Variants in TOMM20 observed in about 807,000 individuals in gnomAD.
TOMM20 encodes the protein translocase of outer mitochondrial membrane 20, also known as mitochondrial import receptor subunit TOM20 homolog.
In TOMM20, 10 loss-of-function variants were observed where a neutral mutation model predicts 22.1. The observed-to-expected ratio is 0.45, with a 90% CI of 0.28 to 0.77. The LOEUF (loss-of-function observed/expected upper bound fraction) is 0.77. TOMM20 is among the 30% of genes least tolerant of loss of function. TOMM20 has a pLI of 0.13. For synonymous variants in TOMM20, 55 were observed against 61.4 expected, an observed-to-expected ratio of 0.90 and a Z score of 0.49; for missense variants, 121 against 172.2, an observed-to-expected ratio of 0.70 and a Z score of 1.66.
rs905566483 is a variant in TOMM20, at chr1:235,128,810, G to A, written c.-95C>T. ...AGAGCGGTCGGCGCAGCTCACACCC[G>A]ACGGCCGCGGGCCAGGAACACAGAA... is the stretch of plus-strand genomic sequence containing the variant. On this transcript the variant is annotated 5_prime_UTR_variant, in exon 1 of 5. Coordinates refer to ENST00000366607, the MANE Select transcript of TOMM20 (RefSeq NM_014765.3). The A allele has an allele frequency of 4.5e-6, 7 of 1,562,844 alleles. No individual in the cohort carries two copies. In the African/African-American group the frequency reaches 5.5e-5, roughly 12 times the overall value.
intron 1 of TOMM20, among the ~76,000 whole-genome samples, chr1:235,124,720 T>A (rs1244785833): frequency 6.6e-6 from 1 of 152,202 alleles, no homozygotes; most frequent in Non-Finnish European, 1.5e-5. Flanking sequence ...CTGAATACAT[T>A]TAACTGATAC....
chr1:235,128,271 G>C (rs1661066935), intron 1 of TOMM20, among the ~76,000 whole-genome samples: 1 of 152,228 alleles, frequency 6.6e-6, no homozygotes, highest in South Asian at 2.1e-4. Flanking sequence ...GTTAAGAGTA[G>C]AGGTTTAAAA....
Position 235,117,134 on chromosome 1 carries a change from C to CAA in TOMM20, c.250+2682_250+2683dup, listed in dbSNP as rs869235889. 4.6e-3 allele frequency among the ~76,000 whole-genome samples: 141 copies of CAA among 30,386 alleles called. 6 individuals are homozygous for CAA. Among genetic ancestry groups the CAA allele is most frequent in the East Asian group, 9.1e-3 (6 of 658 alleles). 19.9% of individuals were successfully genotyped at this position (30,386 alleles called of 152,430 possible). On this transcript the variant is annotated intron_variant, in intron 3 of 4. Transcript: ENST00000366607. ...TGGGCGACAGAGCGAGACTCCATCTCAAAAAAAAAAAAAAAAAAAAAAAAA... is the reference window on the plus strand; with the variant it reads ...TGGGCGACAGAGCGAGACTCCATCTCAAAAAAAAAAAAAAAAAAAAAAAAAAA...
intron 4 of TOMM20, among the ~76,000 whole-genome samples, chr1:235,112,839 C>T (rs1023645575): frequency 3.9e-5 from 6 of 152,246 alleles, no homozygotes; most frequent in African/African-American, 1.4e-4. Flanking sequence ...TTTCAAATAG[C>T]GTAATATTAA....
chr1:235,127,542 C>G (rs1572133475), intron 1 of TOMM20, among the ~76,000 whole-genome samples: 2 of 152,294 alleles, frequency 1.3e-5, no homozygotes, highest in Middle Eastern at 6.8e-3. Flanking sequence ...CTTGAAATGA[C>G]TTAGTATAGC....
chr1:235,119,147 T>TAATA (rs1660884894), intron 3 of TOMM20, among the ~76,000 whole-genome samples: 1 of 152,232 alleles, frequency 6.6e-6, no homozygotes, highest in Admixed American at 6.5e-5. Flanking sequence ...ACTTTTGAGA[T>TAATA]TATTGAGTAA....
chr1:235,127,974 G>A (rs1192857495), intron 1 of TOMM20: 1 of 501,736 alleles, frequency 2.0e-6, no homozygotes, highest in South Asian at 1.4e-5. Flanking sequence ...TCAGGAGTTC[G>A]AGACTAGCCT....
At chr1:235,114,584 C>T (rs1358790259) in intron 3 of TOMM20, among the ~76,000 whole-genome samples, 4 of 151,750 alleles carry the variant, frequency 2.6e-5, no homozygotes, top group Non-Finnish European at 4.4e-5. Flanking sequence ...ACTACAGGCG[C>T]CCACCACCAC....
In TOMM20 at chr1:235,113,929, A is replaced by ATTACCTGTAAGATTTACATAAAG. The variant is rs762150628; in HGVS notation, c.251-20_251-19insCTTTATGTAAATCTTACAGGTAA. 1 of 1,551,792 alleles carries ATTACCTGTAAGATTTACATAAAG rather than the reference A, an allele frequency of 6.4e-7. No homozygotes were observed. Among genetic ancestry groups the ATTACCTGTAAGATTTACATAAAG allele is most frequent in the East Asian group, 2.3e-5 (1 of 43,580 alleles). On this transcript the variant is annotated intron_variant, in intron 3 of 4. Coordinates refer to ENST00000366607, the MANE Select transcript of TOMM20 (RefSeq NM_014765.3). ...TATTCACCTGTAAGATTTACATAAA[A>ATTACCTGTAAGATTTACATAAAG]TTACATGTAACCTGAAAAGCCTTGG...
In TOMM20 at chr1:235,128,622, G is replaced by A. The variant is rs766102847; in HGVS notation, c.94C>T (p.Pro32Ser). The A allele has an allele frequency of 6.2e-7, 1 of 1,613,238 alleles. No individual in the cohort carries two copies. Among genetic ancestry groups the A allele is most frequent in the Non-Finnish European group, 8.5e-7 (1 of 1,179,944 alleles). Residue 32 changes from proline to serine, a missense_variant, in exon 1 of 5, where the codon CCC becomes TCC. Pro to Ser is a moderately conservative substitution (Grantham distance 74). Transcript: ENST00000366607. ...TCTCGAAGCCTGTTCTTGAAGTTGG[G>A]GTCACTTCGTCTTTTGCGGTCGAAG... ...IYFDRKRRSD[P>S]NFKNRLRERR... is the part of the protein sequence containing the mutation.
At chr1:235,121,197 C>CA (rs5781819) in intron 2 of TOMM20, among the ~76,000 whole-genome samples, 37,373 of 126,186 alleles carry the variant, frequency 0.3, 5,609 homozygotes, top group South Asian at 0.55. Flanking sequence ...GACTCCATCT[C>CA]AAAAAAAAAA....
chr1:235,116,917 C>T (rs781605040), intron 3 of TOMM20, among the ~76,000 whole-genome samples: 33 of 151,874 alleles, frequency 2.2e-4, no homozygotes, highest in East Asian at 1.4e-3. Context: ...GGGCGGATCA[C>T]AAGGTCAGGA....
chr1:235,122,871 A>G (rs1343836896), intron 1 of TOMM20, among the ~76,000 whole-genome samples: 1 of 152,240 alleles, frequency 6.6e-6, no homozygotes, highest in African/African-American at 2.4e-5. Flanking sequence ...AAGGTACTTG[A>G]GCATCATCAG....
At chr1:235,118,691 T>C (rs1660876898) in intron 3 of TOMM20, among the ~76,000 whole-genome samples, 1 of 152,210 alleles carries the variant, frequency 6.6e-6, no homozygotes, top group South Asian at 2.1e-4. Flanking sequence ...ACCTGGTTTA[T>C]TTTCTCATTT....
At chr1:235,128,517 T>TGGGA (rs1275869831) in intron 1 of TOMM20, 78 bp downstream of exon 1, 1 of 1,600,264 alleles carries the variant, frequency 6.2e-7, no homozygotes, top group Non-Finnish European at 8.5e-7. Context: ...CACAGGCTGG[T>TGGGA]GGGAGGCAAT....
At chr1:235,126,808 C>T (rs914493873) in intron 1 of TOMM20, among the ~76,000 whole-genome samples, 12 of 152,130 alleles carry the variant, frequency 7.9e-5, no homozygotes, top group Non-Finnish European at 1.6e-4. Context: ...AAACAAACAA[C>T]AACAACAAAA....
At chr1:235,116,107 A>C (rs1207798978) in intron 3 of TOMM20, among the ~76,000 whole-genome samples, 1 of 152,194 alleles carries the variant, frequency 6.6e-6, no homozygotes, top group East Asian at 1.9e-4. Flanking sequence ...GCATGCAAGT[A>C]AAGTAAATCT....
intron 1 of TOMM20, among the ~76,000 whole-genome samples, chr1:235,124,122 G>A (rs1241878663): frequency 1.3e-5 from 2 of 152,340 alleles, no homozygotes; most frequent in South Asian, 4.1e-4. Flanking sequence ...CAAGGCGGGC[G>A]GATCACTGGA....
chr1:235,113,271 G>A (rs955007861), intron 4 of TOMM20, among the ~76,000 whole-genome samples: 6 of 152,158 alleles, frequency 3.9e-5, no homozygotes, highest in African/African-American at 9.7e-5. Context: ...TGGGGATGTC[G>A]TCAAATAGCT....
Sources: gnomAD v4.1 joint callset for allele counts (sites outside exome capture counted in the v4.1 genomes callset) on GRCh38, gnomAD v4.1.1 for gene constraint, MANE v1.5 for transcripts, NCBI Gene and HGNC (gene_info 2026-07-23, HGNC 2026-07-21) for gene names.